Variants in ADGRG7 observed in about 807,000 individuals in gnomAD.
ADGRG7 encodes G-protein coupled receptor 128.
A neutral mutation model predicts 88.6 loss-of-function variants in ADGRG7; 82 were observed. The observed-to-expected ratio is 0.93, with a 90% confidence interval of 0.77 to 1.11. The LOEUF is 1.11. Ranked by LOEUF, ADGRG7 falls within the 50% of genes most tolerant of loss-of-function variation. The probability of loss-of-function intolerance (pLI) is 0.00; values close to 1 mark genes in which losing one functional copy is unlikely to be tolerated. For missense variants in ADGRG7, 945 were observed against 953.4 expected, an observed-to-expected ratio of 0.99 and a Z score of 0.12; for synonymous variants, 381 against 345.2, an observed-to-expected ratio of 1.10 and a Z score of -1.15.
chr3:100,663,976 T>C (rs1469095384), intron 14 of ADGRG7, among the ~76,000 whole-genome samples: 3 of 152,082 alleles, frequency 2.0e-5, no homozygotes, highest in Admixed American at 6.6e-5. Flanking sequence ...TTATTATCTA[T>C]GGCCAAAGTT....
At position 100,688,837 on chromosome 3, in the gene ADGRG7, A is replaced by G. The variant is rs1407107406; in HGVS notation, c.2137-5907A>G. Among the ~76,000 whole-genome samples, 3 of 152,290 alleles carry G rather than the reference A, an allele frequency of 2.0e-5. No homozygotes were observed. In the East Asian group the frequency reaches 5.8e-4, roughly 29 times the overall value. The stretch of plus-strand genomic sequence containing the variant: ...TGGAATAGGTGTGGTGTGGTGCTGA[A>G]AAGAATGTATATTCTGTTGATTTGG... On this transcript the variant is annotated intron_variant, in intron 15 of 15. Coordinates refer to ENST00000273352, the MANE Select transcript of ADGRG7 (RefSeq NM_032787.3).
intron 15 of ADGRG7, among the ~76,000 whole-genome samples, chr3:100,674,668 C>T (rs2094962719): frequency 6.6e-6 from 1 of 151,918 alleles, no homozygotes; most frequent in East Asian, 1.9e-4. Flanking sequence ...ACCTCCACCT[C>T]CCAGGTTCAA....
chr3:100,662,640 A>G (rs1212169882), intron 14 of ADGRG7, among the ~76,000 whole-genome samples: 1 of 152,112 alleles, frequency 6.6e-6, no homozygotes, highest in Non-Finnish European at 1.5e-5. Context: ...TTGACATTAG[A>G]TGCTATGCAG....
chr3:100,640,781 T>C (rs570963761), intron 6 of ADGRG7, among the ~76,000 whole-genome samples: 2 of 152,102 alleles, frequency 1.3e-5, no homozygotes, highest in Non-Finnish European at 2.9e-5. Context: ...TTTGGCCTCC[T>C]AGACTGTTGG....
intron 10 of ADGRG7, among the ~76,000 whole-genome samples, chr3:100,648,852 G>A (rs961767583): frequency 2.6e-5 from 4 of 151,936 alleles, no homozygotes; most frequent in African/African-American, 9.7e-5. Context: ...AACCCACCCT[G>A]TGACCACCAC....
chr3:100,634,144 T>A (rs1227088274), intron 4 of ADGRG7, among the ~76,000 whole-genome samples: 1 of 152,182 alleles, frequency 6.6e-6, no homozygotes, highest in Non-Finnish European at 1.5e-5. Flanking sequence ...TCATGCAGAT[T>A]AAATTATTTT....
chr3:100,647,053 A>G (rs991991714), intron 10 of ADGRG7, among the ~76,000 whole-genome samples: 3 of 152,090 alleles, frequency 2.0e-5, no homozygotes, highest in African/African-American at 7.2e-5. Context: ...GCTACTCAGG[A>G]GGCTGAGGCA....
intron 15 of ADGRG7, among the ~76,000 whole-genome samples, chr3:100,680,025 T>C (rs568381100): frequency 4.6e-4 from 70 of 152,352 alleles, no homozygotes; most frequent in Admixed American, 1.4e-3. Flanking sequence ...AAGGTACACC[T>C]ATCCTTACCA....
chr3:100,625,339 C>T (rs562017616), intron 1 of ADGRG7, among the ~76,000 whole-genome samples: 13 of 152,214 alleles, frequency 8.5e-5, no homozygotes, highest in African/African-American at 2.6e-4. Context: ...CCCTGCTTGT[C>T]TATTGTTGGT....
chr3:100,618,356 C>T (rs1390642972), intron 1 of ADGRG7, among the ~76,000 whole-genome samples: 3 of 152,154 alleles, frequency 2.0e-5, no homozygotes, highest in African/African-American at 4.8e-5. Context: ...TTAGGTCTAA[C>T]ATTTAAGTAT....
At chr3:100,657,736 T>G (rs2094939596) in intron 13 of ADGRG7, among the ~76,000 whole-genome samples, 1 of 152,228 alleles carries the variant, frequency 6.6e-6, no homozygotes, top group African/African-American at 2.4e-5. Flanking sequence ...ATCCTGAAGA[T>G]AAACTTGGCA....
At chr3:100,674,018 C>CA (rs1248813630) in intron 15 of ADGRG7, among the ~76,000 whole-genome samples, 4 of 152,266 alleles carry the variant, frequency 2.6e-5, no homozygotes, top group Non-Finnish European at 5.9e-5. Flanking sequence ...CTCTTGTGGG[C>CA]ATTTAGTGCT....
At chr3:100,669,446 A>G (rs1197632007) in intron 15 of ADGRG7, among the ~76,000 whole-genome samples, 6 of 149,676 alleles carry the variant, frequency 4.0e-5, no homozygotes, top group African/African-American at 1.5e-4. Context: ...AGGCACGAGA[A>G]TGGCTTGAAC....
intron 6 of ADGRG7, among the ~76,000 whole-genome samples, chr3:100,642,690 A>G (rs984046002): frequency 4.6e-5 from 7 of 152,154 alleles, no homozygotes; most frequent in Non-Finnish European, 1.0e-4. Flanking sequence ...CTTCCATCTA[A>G]TCTATCTTTG....
chr3:100,646,471 T>C (rs1707748620), intron 9 of ADGRG7, 98 bp from the exon 10 acceptor site: 4 of 896,218 alleles, frequency 4.5e-6, no homozygotes, highest in Non-Finnish European at 5.2e-6. Flanking sequence ...AGTATATATT[T>C]AATTCATTTC....
At chr3:100,647,377 G>A (rs773604723) in intron 10 of ADGRG7, among the ~76,000 whole-genome samples, 1 of 152,180 alleles carries the variant, frequency 6.6e-6, no homozygotes, top group Non-Finnish European at 1.5e-5. Context: ...GTATAGCTGT[G>A]TGCCAGAGAC....
chr3:100,645,023 G>A (rs747513367), intron 8 of ADGRG7, among the ~76,000 whole-genome samples: 90 of 152,286 alleles, frequency 5.9e-4, no homozygotes, highest in Middle Eastern at 3.4e-3. Flanking sequence ...GGGGGCTGTC[G>A]GGGCCTTGCC....
chr3:100,660,717 C>CGGG (rs2094944041), intron 14 of ADGRG7, among the ~76,000 whole-genome samples: 1 of 151,860 alleles, frequency 6.6e-6, no homozygotes, highest in Non-Finnish European at 1.5e-5. Flanking sequence ...CTTTGGGAGG[C>CGGG]GGGGGTGGGT....
At chr3:100,667,078 C>T (rs2094952787) in intron 14 of ADGRG7, among the ~76,000 whole-genome samples, 1 of 152,110 alleles carries the variant, frequency 6.6e-6, no homozygotes. Context: ...ACAATCTGAT[C>T]TCTCTTGCTT....
Sources: allele counts gnomAD v4.1 joint callset (sites outside exome capture counted in the v4.1 genomes callset), GRCh38; gene constraint gnomAD v4.1.1; transcripts MANE v1.5; gene names NCBI Gene and HGNC (gene_info 2026-07-23, HGNC 2026-07-21).